The following SLC45A4 variants were observed in gnomAD, a reference collection of about 807,000 sequenced individuals.
SLC45A4 encodes the protein solute carrier family 45 member 4.
A neutral mutation model predicts 63.7 loss-of-function variants in SLC45A4; 32 were observed. That is an observed-to-expected ratio of 0.50 (90% CI 0.38 to 0.67). The LOEUF (loss-of-function observed/expected upper bound fraction) is 0.67, where lower values mean the gene tolerates loss of function less well. Among genes scored for constraint, SLC45A4 ranks in the 30% least tolerant of loss-of-function variants. The pLI, the probability that SLC45A4 is intolerant of heterozygous loss-of-function variation, is 0.00. For synonymous variants in SLC45A4, 535 were observed against 510.0 expected (o/e 1.05, Z -0.66); for missense variants, 1,027 against 1,157.7 (o/e 0.89, Z 1.64).
intron 2 of SLC45A4, chr8:141,228,288 C>T: frequency 6.2e-7 from 1 of 1,611,966 alleles, no homozygotes. Context: ...TCCCTGCCGC[C>T]CTGTGCCAGG....
intron 2 of SLC45A4, among the ~76,000 whole-genome samples, chr8:141,249,508 A>G (rs983772716): frequency 6.6e-6 from 1 of 152,172 alleles, no homozygotes; most frequent in African/African-American, 2.4e-5. Context: ...CAATTCCCGA[A>G]CAGGCAGCAC....
chr8:141,248,486 T>G (rs912822628), intron 2 of SLC45A4, among the ~76,000 whole-genome samples: 1 of 151,820 alleles, frequency 6.6e-6, no homozygotes, highest in Non-Finnish European at 1.5e-5. Context: ...GGAGGATCAC[T>G]TGAGCCCAGG....
Position 141,228,739 on chromosome 8 carries a change from T to G in SLC45A4, c.242-6974A>C, listed in dbSNP as rs772317883. On this transcript the variant is annotated intron_variant, in intron 2 of 8. Coordinates refer to ENST00000517878, the MANE Select transcript of SLC45A4 (RefSeq NM_001286646.2). ...ACAAAATGCAGGTCAGGCCATGTCC[T>G]GCAGCCCTGGCTAAGCTCAGGGGTC... Among the ~76,000 whole-genome samples the G allele has an allele frequency of 3.3e-5, 5 of 152,230 alleles. 1 individual carries two copies.
At chr8:141,234,018 A>T (rs1827495905) in intron 2 of SLC45A4, among the ~76,000 whole-genome samples, 1 of 152,250 alleles carries the variant, frequency 6.6e-6, no homozygotes. Flanking sequence ...ATCTGTAAAC[A>T]TCATCACCAG....
chr8:141,227,820 G>A lies in SLC45A4; in HGVS notation c.242-6055C>T, dbSNP rs1827105892. 6.6e-6 allele frequency among the ~76,000 whole-genome samples: 1 copy of A among 152,216 alleles called. No homozygotes were observed. Among genetic ancestry groups the A allele is most frequent in the Non-Finnish European group, 1.5e-5 (1 of 68,026 alleles). ...CTACTACAAACCGGCCCGTCATTTA[G>A]GGTGGAGGGGACAGCAGCACCTTGA... On this transcript the variant is annotated intron_variant, in intron 2 of 8. Transcript: ENST00000517878. The surrounding 1 kb of genome is among the most constrained non-coding windows in gnomAD (Gnocchi z 4.4).
intron 1 of SLC45A4, among the ~76,000 whole-genome samples, chr8:141,259,945 C>T (rs1442823795): frequency 6.6e-6 from 1 of 152,154 alleles, no homozygotes; most frequent in Non-Finnish European, 1.5e-5. Flanking sequence ...AAAACCATTC[C>T]CCACCCCACC....
At chr8:141,225,179 T>G (rs1429321062) in intron 2 of SLC45A4, 1 of 152,198 alleles carries the variant, frequency 6.6e-6, no homozygotes, top group Non-Finnish European at 1.5e-5. Flanking sequence ...CGCCTTTTCT[T>G]TTTTAAAAAA....
intron 1 of SLC45A4, among the ~76,000 whole-genome samples, chr8:141,298,592 A>G (rs1457351052): frequency 6.6e-6 from 1 of 152,208 alleles, no homozygotes; most frequent in Non-Finnish European, 1.5e-5. Flanking sequence ...ACAAGGAAAC[A>G]AATTGGAGCG....
At chr8:141,239,764 A>G (rs1292689737) in intron 2 of SLC45A4, among the ~76,000 whole-genome samples, 1 of 152,232 alleles carries the variant, frequency 6.6e-6, no homozygotes, top group Non-Finnish European at 1.5e-5. Flanking sequence ...TGAGTTCCTA[A>G]GAAGGGCTGG....
At chr8:141,257,391 C>T (rs541923412) in intron 1 of SLC45A4, among the ~76,000 whole-genome samples, 126 of 152,312 alleles carry the variant, frequency 8.3e-4, no homozygotes, top group Non-Finnish European at 1.4e-3. Flanking sequence ...AGAAGTAACA[C>T]CCAGACATGT....
chr8:141,217,311 C>T lies in SLC45A4; in HGVS notation c.1630-122G>A, dbSNP rs1826218015. ...TCTAAGAGCGGTGACAGGAAAGTCCCATCCAGGAGGAGAGCCCAGCCCAAG... is the reference window on the plus strand; with the variant it reads ...TCTAAGAGCGGTGACAGGAAAGTCCTATCCAGGAGGAGAGCCCAGCCCAAG... On this transcript the variant is annotated intron_variant, in intron 5 of 8. Transcript: ENST00000517878. The T allele has an allele frequency of 3.9e-6, 4 of 1,017,196 alleles. 1 individual carries two copies. Among genetic ancestry groups the T allele is most frequent in the Middle Eastern group, 3.1e-4 (1 of 3,186 alleles). The allele number at this position is 1,017,196 out of a possible 1,614,324, so 63.0% of individuals were successfully genotyped here.
At chr8:141,270,143 C>T (rs1157657408) in intron 1 of SLC45A4, among the ~76,000 whole-genome samples, 1 of 152,144 alleles carries the variant, frequency 6.6e-6, no homozygotes, top group Non-Finnish European at 1.5e-5. Context: ...GTCCAGCACA[C>T]ACGCAGCGCA....
intron 2 of SLC45A4, among the ~76,000 whole-genome samples, chr8:141,232,217 G>A (rs749426652): frequency 2.6e-5 from 4 of 152,254 alleles, no homozygotes; most frequent in Non-Finnish European, 5.9e-5. Flanking sequence ...ACATGGGGCC[G>A]GGGAACCTCA....
At chr8:141,277,983 C>T (rs1183128081) in intron 1 of SLC45A4, among the ~76,000 whole-genome samples, 1 of 152,230 alleles carries the variant, frequency 6.6e-6, no homozygotes, top group African/African-American at 2.4e-5. Context: ...TCATAGCTCA[C>T]TGGTGACCTC....
At chr8:141,217,067 G>C in intron 6 of SLC45A4, 23 bp downstream of exon 6, 1 of 1,610,858 alleles carries the variant, frequency 6.2e-7, no homozygotes, top group Non-Finnish European at 8.5e-7. Context: ...TGCGAGTGCT[G>C]ACCTGACTTG....
At chr8:141,280,176 G>A (rs2154615070) in intron 1 of SLC45A4, among the ~76,000 whole-genome samples, 1 of 152,316 alleles carries the variant, frequency 6.6e-6, no homozygotes, top group South Asian at 2.1e-4. Context: ...CTCACCTTGG[G>A]CACTGTGAGT....
intron 1 of SLC45A4, among the ~76,000 whole-genome samples, chr8:141,291,374 T>C (rs1351497443): frequency 6.6e-6 from 1 of 152,220 alleles, no homozygotes; most frequent in Non-Finnish European, 1.5e-5. Context: ...TGTTGTGATG[T>C]GGTTATTATC....
chr8:141,255,875 T>A (rs1002616773), intron 1 of SLC45A4, among the ~76,000 whole-genome samples: 1 of 152,166 alleles, frequency 6.6e-6, no homozygotes, highest in East Asian at 1.9e-4. Context: ...GCCTTTAGGT[T>A]ATAAAACCTC....
At chr8:141,292,238 G>A (rs1487548833) in intron 1 of SLC45A4, among the ~76,000 whole-genome samples, 2 of 152,200 alleles carry the variant, frequency 1.3e-5, no homozygotes, top group East Asian at 1.9e-4. Flanking sequence ...ATACATCCCC[G>A]ACCAGGGCAC....
Sources: allele counts gnomAD v4.1 joint callset (sites outside exome capture counted in the v4.1 genomes callset), GRCh38; gene constraint gnomAD v4.1.1; non-coding constraint Gnocchi (gnomAD v3.1); transcripts MANE v1.5; gene names NCBI Gene and HGNC (gene_info 2026-07-23, HGNC 2026-07-21).